The following SOX5 variants were observed in gnomAD, a reference collection of about 807,000 sequenced individuals.
The protein encoded by SOX5 is SRY-box transcription factor 5.
SOX5 carries 9 observed loss-of-function variants against 92.0 expected under a neutral mutation model. The ratio of observed to expected loss-of-function variants is 0.10; its 90% CI spans 0.06 to 0.17. SOX5 has a LOEUF of 0.17. Ranked by LOEUF, SOX5 falls within the 10% of genes least tolerant of loss-of-function variation. The probability of loss-of-function intolerance (pLI) is 1.00; values close to 1 mark genes in which losing one functional copy is unlikely to be tolerated. For synonymous variants in SOX5, 344 were observed against 336.3 expected, an observed-to-expected ratio of 1.02 and a Z score of -0.25; for missense variants, 642 against 944.5, an observed-to-expected ratio of 0.68 and a Z score of 4.20.
At position 24,324,150 on chromosome 12, in the gene SOX5, T is replaced by C. The variant is rs140828685; in HGVS notation, c.-174+44413A>G. 1.5e-3 allele frequency among the ~76,000 whole-genome samples: 227 copies of C among 152,274 alleles called. 1 individual carries two copies. Among genetic ancestry groups the C allele is most frequent in the Middle Eastern group, 6.8e-3 (2 of 294 alleles). The stretch of plus-strand genomic sequence containing the variant: ...TCTTCAAATTTTATTTCAAACGTCA[T>C]TTTGCTTGAAGTTAGTTTTGAGATG... On this transcript the variant is annotated intron_variant, in intron 2 of 4. Coordinates refer to the SOX5 transcript ENST00000446891.
At chr12:24,341,736 G>A (rs1952597908) in intron 2 of SOX5, among the ~76,000 whole-genome samples, 1 of 152,148 alleles carries the variant, frequency 6.6e-6, no homozygotes, top group Non-Finnish European at 1.5e-5. Flanking sequence ...TGAGAGAGAA[G>A]GCTTCTCTGT....
chr12:23,579,799 A>T (rs1949787731), intron 9 of SOX5, among the ~76,000 whole-genome samples: 1 of 152,108 alleles, frequency 6.6e-6, no homozygotes, highest in South Asian at 2.1e-4. Context: ...ACTTACAAAT[A>T]AAAGGATATG....
At chr12:23,873,973 G>A (rs191719853) in intron 2 of SOX5, among the ~76,000 whole-genome samples, 16 of 152,126 alleles carry the variant, frequency 1.1e-4, no homozygotes, top group African/African-American at 1.4e-4. Flanking sequence ...GTAAGAATAC[G>A]GTTAACTGTG....
Position 24,226,875 on chromosome 12 carries a change from A to T in SOX5, c.-76-13458T>A, listed in dbSNP as rs1051606421. On this transcript the variant is annotated intron_variant, in intron 3 of 4. Transcript: ENST00000446891. ...GATTGAATGAATGAATGAATGAATG[A>T]ATGAATGAATAAATCTACTGGATCC... Among the ~76,000 whole-genome samples, 5 of 122,864 alleles carry T rather than the reference A, an allele frequency of 4.1e-5. No individual in the cohort carries two copies. The East Asian group carries it at 1.6e-3, about 39-fold the overall frequency. The allele number at this position is 122,864 out of a possible 152,430, so 80.6% of individuals were successfully genotyped here.
intron 4 of SOX5, among the ~76,000 whole-genome samples, chr12:24,152,472 C>T (rs1321838199): frequency 6.6e-6 from 1 of 152,102 alleles, no homozygotes; most frequent in African/African-American, 2.4e-5. Flanking sequence ...TCCTGACCTG[C>T]TTATCTTATC....
At chr12:24,031,254 C>G (rs79300371) in intron 4 of SOX5, among the ~76,000 whole-genome samples, 2 of 151,706 alleles carry the variant, frequency 1.3e-5, no homozygotes, top group African/African-American at 4.8e-5. Context: ...TATCTACACT[C>G]TCATGTTTAC....
At chr12:24,306,984 A>T (rs1948640539) in intron 2 of SOX5, among the ~76,000 whole-genome samples, 1 of 152,120 alleles carries the variant, frequency 6.6e-6, no homozygotes, top group South Asian at 2.1e-4. Flanking sequence ...CTACACGATG[A>T]TTAAAGATGG....
At chr12:24,261,247 C>T (rs1003547146) in intron 3 of SOX5, among the ~76,000 whole-genome samples, 5 of 152,086 alleles carry the variant, frequency 3.3e-5, no homozygotes, top group Admixed American at 2.0e-4. Context: ...CTTTGTAGTA[C>T]TCCAGTCAAT....
At chr12:23,973,164 T>C (rs976170488) in intron 4 of SOX5, among the ~76,000 whole-genome samples, 42 of 147,822 alleles carry the variant, frequency 2.8e-4, no homozygotes, top group African/African-American at 9.7e-4. Flanking sequence ...TTTTTTCTTT[T>C]TTTTTTTTTT....
chr12:23,963,110 A>C (rs1947141348), intron 4 of SOX5, among the ~76,000 whole-genome samples: 1 of 152,116 alleles, frequency 6.6e-6, no homozygotes, highest in Admixed American at 6.5e-5. Context: ...AAAGCAAACA[A>C]ATTATTTTAT....
At chr12:23,912,966 C>T (rs1031496320) in intron 1 of SOX5, among the ~76,000 whole-genome samples, 4 of 152,074 alleles carry the variant, frequency 2.6e-5, no homozygotes, top group Non-Finnish European at 4.4e-5. Flanking sequence ...CTGAATTATA[C>T]ATTAAGTGGG....
chr12:24,223,096 G>A (rs1410184623), intron 3 of SOX5, among the ~76,000 whole-genome samples: 3 of 152,148 alleles, frequency 2.0e-5, no homozygotes, highest in African/African-American at 7.2e-5. Context: ...ATATTATTTA[G>A]ATGTTTCTTC....
rs192624703 is a variant in SOX5, at chr12:23,651,974, A to T, written c.932-11077T>A. Among the ~76,000 whole-genome samples, 25 of 152,130 alleles carry T rather than the reference A, an allele frequency of 1.6e-4. 1 individual carries two copies. The East Asian group carries it at 4.8e-3, about 29-fold the overall frequency. ...TTTGTACATAATTATGTCTTTAAATATATGCACAATTACCTCCTATCCTAA... is the reference window on the plus strand; with the variant it reads ...TTTGTACATAATTATGTCTTTAAATTTATGCACAATTACCTCCTATCCTAA... On this transcript the variant is annotated intron_variant, in intron 7 of 14. Coordinates refer to ENST00000451604, the MANE Select transcript of SOX5 (RefSeq NM_006940.6).
intron 4 of SOX5, among the ~76,000 whole-genome samples, chr12:24,206,818 T>A (rs1958066430): frequency 6.6e-6 from 1 of 152,220 alleles, no homozygotes; most frequent in African/African-American, 2.4e-5. Flanking sequence ...CCCTGTGGCT[T>A]GTATTTTCCC....
intron 6 of SOX5, among the ~76,000 whole-genome samples, chr12:23,730,188 G>C (rs554426025): frequency 6.6e-6 from 1 of 151,946 alleles, no homozygotes; most frequent in Non-Finnish European, 1.5e-5. Context: ...AAAAGATGGG[G>C]ACTGTAGAAT....
At chr12:23,700,057 C>T in intron 6 of SOX5, among the ~76,000 whole-genome samples, 1 of 152,108 alleles carries the variant, frequency 6.6e-6, no homozygotes, top group East Asian at 1.9e-4. Context: ...TCCGCTATAC[C>T]TGTTCTCTCT....
chr12:24,125,813 G>T (rs1228247921), intron 4 of SOX5, among the ~76,000 whole-genome samples: 1 of 152,042 alleles, frequency 6.6e-6, no homozygotes, highest in Non-Finnish European at 1.5e-5. Context: ...TTTCTTTTGG[G>T]GATATTTTTC....
chr12:24,199,002 G>T (rs1443838222), intron 4 of SOX5, among the ~76,000 whole-genome samples: 2 of 152,190 alleles, frequency 1.3e-5, no homozygotes, highest in Non-Finnish European at 2.9e-5. Context: ...GAGTACAGAC[G>T]TGGCTGCACA....
intron 1 of SOX5, among the ~76,000 whole-genome samples, chr12:24,435,886 C>A (rs747676975): frequency 6.6e-6 from 1 of 152,152 alleles, no homozygotes; most frequent in East Asian, 1.9e-4. Context: ...TGGTAATTCT[C>A]AAACTATTTC....
Sources: gnomAD v4.1 joint callset for allele counts (sites outside exome capture counted in the v4.1 genomes callset) on GRCh38, gnomAD v4.1.1 for gene constraint, MANE v1.5 for transcripts, NCBI Gene and HGNC (gene_info 2026-07-23, HGNC 2026-07-21) for gene names.